EZH1: variants seen among roughly 807,000 people sequenced by gnomAD.
EZH1 encodes the protein histone-lysine N-methyltransferase EZH1.
EZH1 carries 33 observed loss-of-function variants against 100.5 expected under a neutral mutation model. The ratio of observed to expected loss-of-function variants is 0.33; its 90% CI spans 0.25 to 0.44. The LOEUF is 0.44. Among genes scored for constraint, EZH1 ranks in the 20% least tolerant of loss-of-function variants. The pLI is 1.00. For missense variants in EZH1, 475 were observed against 928.4 expected (o/e 0.51, Z 6.35); for synonymous variants, 272 against 313.8 (o/e 0.87, Z 1.41).
In EZH1 at chr17:42,704,648, C is replaced by A; in HGVS notation, c.1971G>T (p.Lys657Asn). The A allele has an allele frequency of 1.2e-6, 2 of 1,613,980 alleles. No homozygotes were observed. Among genetic ancestry groups the A allele is most frequent in the Non-Finnish European group, 1.7e-6 (2 of 1,179,976 alleles). ...AGCTGGACATGTATTTGTCATAGAC[C>A]TTTCCGCGTCGATCAGCCTCATCCT... ...ISQDEADRRG[K>N]VYDKYMSSFL... is the part of the protein sequence containing the mutation. The change falls in exon 18 of 21, where the codon AAG (lysine) becomes AAT (asparagine). Residue 657 changes from lysine (K) to asparagine (N), a missense_variant. Physicochemically the swap from Lys to Asn is moderately conservative, Grantham distance 94. Coordinates refer to ENST00000428826, the MANE Select transcript of EZH1 (RefSeq NM_001991.5).
intron 1 of EZH1, 105 bp downstream of exon 1, chr17:42,744,906 C>G (rs2054252190): frequency 8.5e-7 from 1 of 1,177,158 alleles, no homozygotes; most frequent in Admixed American, 2.9e-5. Flanking sequence ...CCCTCGGATT[C>G]CTTCCAATTT....
rs1266181502 is a variant in EZH1, at chr17:42,701,374, C to T, written c.*1158G>A. ...CCTGGGACAGGTGGTCTACCTGCTT[C>T]TTCTCCCACTTCAGATACCCTCTGC... On this transcript the variant is annotated 3_prime_UTR_variant, in exon 21 of 21. Transcript: ENST00000428826. 3 of 152,908 alleles carry T rather than the reference C, an allele frequency of 2.0e-5. No homozygotes were observed. Among genetic ancestry groups the T allele is most frequent in the African/African-American group, 7.2e-5 (3 of 41,464 alleles). The allele number at this position is 152,908 out of a possible 1,614,324, so 9.5% of individuals were successfully genotyped here.
In EZH1 at chr17:42,709,883, G is replaced by A; in HGVS notation, c.1456C>T (p.Leu486Phe). 2 of 1,614,162 alleles carry A rather than the reference G, an allele frequency of 1.2e-6. No homozygotes were observed. Among genetic ancestry groups the A allele is most frequent in the South Asian group, 1.1e-5 (1 of 91,086 alleles). Residue 486 changes from leucine to phenylalanine, a missense_variant, in exon 13 of 21, where the codon CTC becomes TTC. By Grantham distance (22) the Leu-to-Phe change is conservative. Coordinates refer to ENST00000428826, the MANE Select transcript of EZH1 (RefSeq NM_001991.5). Reference protein sequence around the residue: ...SLILKLPTDELMNPSQKKKRK... With the variant: ...SLILKLPTDEFMNPSQKKKRK... The stretch of plus-strand genomic sequence containing the variant: ...TTCTTCTTCTGTGAGGGGTTCATGA[G>A]CTCATCTGTTGGCAGCTTCAGGATA...
chr17:42,742,290 C>G (rs1046820992), intron 1 of EZH1, among the ~76,000 whole-genome samples: 2 of 152,016 alleles, frequency 1.3e-5, no homozygotes, highest in African/African-American at 4.8e-5. Context: ...TATAGGTGTC[C>G]GCCACCACGT....
intron 10 of EZH1, among the ~76,000 whole-genome samples, chr17:42,716,516 A>T (rs1164676306): frequency 2.6e-5 from 4 of 152,214 alleles, no homozygotes; most frequent in African/African-American, 9.6e-5. Context: ...AAAATTGTGC[A>T]TACATTATCT....
intron 16 of EZH1, among the ~76,000 whole-genome samples, 164 bp from the exon 17 acceptor site, chr17:42,705,347 G>T (rs2053330996): frequency 6.6e-6 from 1 of 152,156 alleles, no homozygotes; most frequent in Non-Finnish European, 1.5e-5. Flanking sequence ...GCTTGGGAGA[G>T]AAAAGAAAAT....
chr17:42,720,585 T>C, intron 6 of EZH1, 136 bp from the exon 7 acceptor site: 1 of 694,638 alleles, frequency 1.4e-6, no homozygotes, highest in Non-Finnish European at 2.3e-6. Flanking sequence ...GATCAGGAAA[T>C]TACAATCATT....
intron 2 of EZH1, among the ~76,000 whole-genome samples, chr17:42,730,129 T>C (rs1034427119): frequency 6.6e-6 from 1 of 152,166 alleles, no homozygotes; most frequent in East Asian, 1.9e-4. Flanking sequence ...TCAAAAAGCT[T>C]AGCCTCTGTC....
At chr17:42,741,261 C>T (rs2054170369) in intron 1 of EZH1, among the ~76,000 whole-genome samples, 1 of 152,200 alleles carries the variant, frequency 6.6e-6, no homozygotes, top group African/African-American at 2.4e-5. Flanking sequence ...CCTTTGTCGC[C>T]CAGGCTAGAG....
At chr17:42,740,146 C>G (rs1290113992) in intron 1 of EZH1, among the ~76,000 whole-genome samples, 2 of 152,134 alleles carry the variant, frequency 1.3e-5, no homozygotes, top group African/African-American at 4.8e-5. Context: ...CTCCCAGGCT[C>G]AAGGGATCCT....
intron 1 of EZH1, among the ~76,000 whole-genome samples, chr17:42,742,387 A>G (rs968360665): frequency 1.3e-5 from 2 of 152,114 alleles, no homozygotes; most frequent in Admixed American, 1.3e-4. Context: ...CAGGTGATCC[A>G]ACAGCCTCAG....
At position 42,700,496 on chromosome 17, in the gene EZH1, A is replaced by T. The variant is rs1427797695; in HGVS notation, c.*2036T>A. 1 of 152,574 alleles carries T rather than the reference A, an allele frequency of 6.6e-6. No individual in the cohort carries two copies. The highest frequency in any genetic ancestry group is 1.5e-5 in the Non-Finnish European group (1 of 68,052). The allele number at this position is 152,574 out of a possible 1,614,324, so 9.5% of individuals were successfully genotyped here. ...AGGAACAGGAGTATTCATGAACTGA[A>T]GCTGGGACAGGAGACTGACCACAGT... On this transcript the variant is annotated 3_prime_UTR_variant, in exon 21 of 21. Coordinates refer to ENST00000428826, the MANE Select transcript of EZH1 (RefSeq NM_001991.5).
intron 4 of EZH1, 74 bp downstream of exon 4, chr17:42,727,559 TAA>T: frequency 6.5e-7 from 1 of 1,531,148 alleles, no homozygotes; most frequent in Non-Finnish European, 8.8e-7. Flanking sequence ...ATTCACTTTC[TAA>T]AAAGTCACAA....
chr17:42,715,297 G>A (rs1203856177), intron 10 of EZH1, among the ~76,000 whole-genome samples: 3 of 144,432 alleles, frequency 2.1e-5, no homozygotes, highest in South Asian at 2.2e-4. Flanking sequence ...TTTTTGAGAC[G>A]AGGTCTTGCC....
At chr17:42,737,544 A>G (rs1831312812) in intron 1 of EZH1, among the ~76,000 whole-genome samples, 1 of 152,144 alleles carries the variant, frequency 6.6e-6, no homozygotes, top group Non-Finnish European at 1.5e-5. Flanking sequence ...TCAAGGCTGC[A>G]GGAGCAAGCT....
chr17:42,713,171 C>T lies in EZH1; in HGVS notation c.1204+38G>A, dbSNP rs760890993. The T allele has an allele frequency of 3.1e-6, 5 of 1,603,064 alleles. No individual in the cohort carries two copies. In the African/African-American group the frequency reaches 5.4e-5, roughly 17 times the overall value. ...GATCCTGGGTTTACCAGAGTCCTTG[C>T]ATGGAAAGAAAAAGTCTTCATTTTC... is the stretch of plus-strand genomic sequence containing the variant. On this transcript the variant is annotated intron_variant, in intron 11 of 20. Transcript: ENST00000428826.
At chr17:42,739,019 G>C (rs1209492077) in intron 1 of EZH1, among the ~76,000 whole-genome samples, 1 of 151,978 alleles carries the variant, frequency 6.6e-6, no homozygotes, top group Non-Finnish European at 1.5e-5. Flanking sequence ...GCCTCCCAAA[G>C]TGCTGGGATT....
rs1297975846 is a variant in EZH1, at chr17:42,702,860, C to G, written c.2183+17G>C. On this transcript the variant is annotated intron_variant, in intron 20 of 20. Transcript: ENST00000428826. ...AATTCCTGGGCCACATCCCAAGGAC[C>G]ATTACTGGCACCTCACCTGTAATCA... The G allele has an allele frequency of 6.2e-7, 1 of 1,612,472 alleles. No homozygotes were observed. Among genetic ancestry groups the G allele is most frequent in the Non-Finnish European group, 8.5e-7 (1 of 1,178,500 alleles).
intron 20 of EZH1, 62 bp downstream of exon 20, chr17:42,702,814 AT>A: frequency 6.4e-7 from 1 of 1,563,964 alleles, no homozygotes; most frequent in Non-Finnish European, 8.8e-7. Flanking sequence ...CCCCAAATCT[AT>A]TCCAACAGCC....
Sources: allele counts gnomAD v4.1 joint callset (sites outside exome capture counted in the v4.1 genomes callset), GRCh38; gene constraint gnomAD v4.1.1; transcripts MANE v1.5; gene names NCBI Gene and HGNC (gene_info 2026-07-23, HGNC 2026-07-21).